The following PTPRN2 variants were observed in gnomAD, a reference collection of about 807,000 sequenced individuals.
PTPRN2 encodes the protein receptor-type tyrosine-protein phosphatase N2.
In PTPRN2, 74 loss-of-function variants were observed where a neutral mutation model predicts 118.8. That is an observed-to-expected ratio of 0.62 (90% CI 0.52 to 0.76). The LOEUF (loss-of-function observed/expected upper bound fraction) is 0.76. Ranked by LOEUF, PTPRN2 falls within the 30% of genes least tolerant of loss-of-function variation. PTPRN2 has a pLI of 0.00. For synonymous variants in PTPRN2, 641 were observed against 608.0 expected (o/e 1.05, Z -0.80); for missense variants, 1,481 against 1,394.4 (o/e 1.06, Z -0.99).
intron 12 of PTPRN2, among the ~76,000 whole-genome samples, chr7:157,790,462 G>C (rs572353468): frequency 9.2e-5 from 14 of 152,062 alleles, no homozygotes; most frequent in Non-Finnish European, 7.4e-5. Context: ...CGTGTTTTGC[G>C]TGAAGATCAG....
intron 11 of PTPRN2, among the ~76,000 whole-genome samples, chr7:158,059,331 T>C (rs1345613197): frequency 7.8e-6 from 1 of 128,994 alleles, no homozygotes; most frequent in Non-Finnish European, 1.6e-5. Context: ...CAGTGACGCA[T>C]CACTGCAGCC....
intron 12 of PTPRN2, among the ~76,000 whole-genome samples, chr7:157,894,026 TGGAA>T (rs1195801345): frequency 6.6e-6 from 1 of 152,198 alleles, no homozygotes; most frequent in Non-Finnish European, 1.5e-5. Flanking sequence ...GAGCTCGTGA[TGGAA>T]GGGTTTGTCT....
At chr7:157,941,486 G>A (rs1401559918) in intron 11 of PTPRN2, among the ~76,000 whole-genome samples, 1 of 131,568 alleles carries the variant, frequency 7.6e-6, no homozygotes, top group Non-Finnish European at 1.6e-5. Context: ...TCCCCCCTCC[G>A]TGACACTGCA....
chr7:158,301,239 TAAAC>T (rs1800865973), intron 3 of PTPRN2, among the ~76,000 whole-genome samples: 1 of 152,178 alleles, frequency 6.6e-6, no homozygotes, highest in African/African-American at 2.4e-5. Context: ...CCGTGCAAAT[TAAAC>T]AGACAGCATT....
Position 157,613,365 on chromosome 7 carries a change from A to G in PTPRN2, c.2344+7997T>C, listed in dbSNP as rs6971857. ...CGGTCTCTTCCGATAGTTCTGGCAGAGACGGCTGCGGGGAGACACGGGCGG... is the reference window on the plus strand; with the variant it reads ...CGGTCTCTTCCGATAGTTCTGGCAGGGACGGCTGCGGGGAGACACGGGCGG... On this transcript the variant is annotated intron_variant, in intron 15 of 22. Coordinates refer to ENST00000389418, the MANE Select transcript of PTPRN2 (RefSeq NM_002847.5). Among the ~76,000 whole-genome samples, 526 of 152,348 alleles carry G rather than the reference A, an allele frequency of 3.5e-3. 6 individuals carry two copies. The highest frequency in any genetic ancestry group is 0.012 in the African/African-American group (501 of 41,576).
chr7:158,246,010 G>A (rs1002281496), intron 3 of PTPRN2, among the ~76,000 whole-genome samples: 4 of 151,968 alleles, frequency 2.6e-5, no homozygotes, highest in African/African-American at 9.7e-5. Context: ...GAGACCGTCA[G>A]GGTGCCCTCC....
chr7:158,239,597 C>A (rs926681681), intron 3 of PTPRN2, among the ~76,000 whole-genome samples: 1 of 152,210 alleles, frequency 6.6e-6, no homozygotes, highest in African/African-American at 2.4e-5. Context: ...ACTGCACTCG[C>A]CACCATCAAA....
intron 12 of PTPRN2, among the ~76,000 whole-genome samples, chr7:157,882,089 C>G (rs1343418871): frequency 6.6e-6 from 1 of 152,162 alleles, no homozygotes. Flanking sequence ...AACACACCAC[C>G]CCAAAAATGA....
chr7:157,918,223 T>C (rs1436363328), intron 11 of PTPRN2, among the ~76,000 whole-genome samples: 3 of 152,326 alleles, frequency 2.0e-5, no homozygotes, highest in East Asian at 3.9e-4. Context: ...GTGGGAGAAA[T>C]GAGGTATCCT....
intron 9 of PTPRN2, among the ~76,000 whole-genome samples, chr7:158,116,949 A>G (rs1361940936): frequency 6.6e-6 from 1 of 152,148 alleles, no homozygotes; most frequent in Non-Finnish European, 1.5e-5. Flanking sequence ...AAAATAGCAA[A>G]CCTATGGAGA....
At chr7:157,633,429 T>C (rs1585142607) in intron 14 of PTPRN2, among the ~76,000 whole-genome samples, 1 of 152,220 alleles carries the variant, frequency 6.6e-6, no homozygotes, top group South Asian at 2.1e-4. Flanking sequence ...AGGCATGAGC[T>C]ACAACGCCTG....
At chr7:158,395,282 AGTGAGGGGTGAGGGGTGAGGGGCGAGGG>A (rs1563239654) in intron 2 of PTPRN2, among the ~76,000 whole-genome samples, 6 of 103,246 alleles carry the variant, frequency 5.8e-5, no homozygotes, top group Admixed American at 9.5e-5. Context: ...TCCCTGCACA[AGTGAGGGGTGAGGGGTGAGGGGCGAGGG>A]GTGAGGGGCG....
At chr7:158,311,763 C>T (rs1374765159) in intron 3 of PTPRN2, among the ~76,000 whole-genome samples, 1 of 152,264 alleles carries the variant, frequency 6.6e-6, no homozygotes, top group Non-Finnish European at 1.5e-5. Flanking sequence ...GTTACCAAGA[C>T]AGAATCATTT....
chr7:157,885,480 A>T (rs1796400930), intron 12 of PTPRN2, among the ~76,000 whole-genome samples: 1 of 152,160 alleles, frequency 6.6e-6, no homozygotes, highest in East Asian at 1.9e-4. Context: ...CCTGAAGGGG[A>T]TGCAGATGCA....
At chr7:158,454,365 A>G (rs2129440024) in intron 2 of PTPRN2, among the ~76,000 whole-genome samples, 1 of 151,448 alleles carries the variant, frequency 6.6e-6, no homozygotes, top group East Asian at 2.0e-4. Context: ...GACAAGACAC[A>G]ACACACACAA....
chr7:157,707,651 T>C (rs574824270), intron 12 of PTPRN2, among the ~76,000 whole-genome samples: 2 of 152,228 alleles, frequency 1.3e-5, no homozygotes, highest in East Asian at 3.9e-4. Context: ...TGACACGATC[T>C]CTGCTCACTG....
At chr7:158,250,144 A>G (rs1270946323) in intron 3 of PTPRN2, among the ~76,000 whole-genome samples, 1 of 152,202 alleles carries the variant, frequency 6.6e-6, no homozygotes, top group Admixed American at 6.5e-5. Context: ...TTATGGAAAT[A>G]TTATAATAAA....
intron 12 of PTPRN2, among the ~76,000 whole-genome samples, chr7:157,840,363 G>GCCGCGTGTGACTGTGTGA (rs1563160547): frequency 8.0e-6 from 1 of 124,340 alleles, no homozygotes; most frequent in Admixed American, 8.1e-5. Context: ...TGACTGTGTG[G>GCCGCGTGTGACTGTGTGA]CCGCGTGTGA....
chr7:157,943,441 A>G (rs1163472071), intron 11 of PTPRN2, among the ~76,000 whole-genome samples: 2 of 151,796 alleles, frequency 1.3e-5, no homozygotes, highest in Non-Finnish European at 2.9e-5. Context: ...AAATCCAACA[A>G]TGTCTCCACA....
Sources: gnomAD v4.1 joint callset for allele counts (sites outside exome capture counted in the v4.1 genomes callset) on GRCh38, gnomAD v4.1.1 for gene constraint, MANE v1.5 for transcripts, NCBI Gene and HGNC (gene_info 2026-07-23, HGNC 2026-07-21) for gene names.